Variants in SETMAR observed in about 807,000 individuals in gnomAD.
SETMAR encodes SET and mariner transposase domain methyltransferase.
SETMAR carries 44 observed loss-of-function variants against 58.4 expected under a neutral mutation model. The ratio of observed to expected loss-of-function variants is 0.75; its 90% CI spans 0.59 to 0.97. The LOEUF is 0.97. SETMAR is among the 50% of genes least tolerant of loss of function. The pLI is 0.00. For missense variants in SETMAR, 903 were observed against 840.2 expected (o/e 1.07, Z -0.92); for synonymous variants, 332 against 307.4 (o/e 1.08, Z -0.84).
intron 2 of SETMAR, among the ~76,000 whole-genome samples, chr3:4,315,673 A>G (rs902488534): frequency 6.6e-6 from 1 of 152,176 alleles, no homozygotes; most frequent in Non-Finnish European, 1.5e-5. Context: ...TTCTTTTGAG[A>G]GAAAACATTT....
Position 4,303,407 on chromosome 3 carries a change from G to A in SETMAR, c.37G>A (p.Gly13Arg). ...AEAAKTTRPC[G>R]MAEFKEKPEA... ...AGCGGCAAAGACGACACGGCCTTGT[G>A]GGATGGCGGAGTTTAAGGAGAAGCC... The change falls in exon 1 of 3, where the codon GGG (glycine) becomes AGG (arginine). Residue 13 changes from glycine (G) to arginine (R), a missense_variant. Coordinates refer to ENST00000358065, the MANE Select transcript of SETMAR (RefSeq NM_006515.4). The A allele has an allele frequency of 6.4e-7, 1 of 1,558,444 alleles. No homozygotes were observed. Among genetic ancestry groups the A allele is most frequent in the East Asian group, 2.6e-5 (1 of 38,200 alleles).
At chr3:4,306,623 A>G (rs940328727) in intron 1 of SETMAR, among the ~76,000 whole-genome samples, 1 of 152,344 alleles carries the variant, frequency 6.6e-6, no homozygotes, top group Non-Finnish European at 1.5e-5. Flanking sequence ...AACATGCTTG[A>G]AACATTTAAG....
chr3:4,316,106 A>G, intron 2 of SETMAR, 106 bp from the exon 3 acceptor site: 1 of 518,548 alleles, frequency 1.9e-6, no homozygotes, highest in Non-Finnish European at 3.5e-6. Context: ...GGTATTTGAT[A>G]TTGGAATACA....
chr3:4,304,302 C>T (rs1390395947), intron 1 of SETMAR, among the ~76,000 whole-genome samples: 3 of 152,198 alleles, frequency 2.0e-5, no homozygotes, highest in Admixed American at 2.0e-4. Context: ...CCACCACGCC[C>T]GGCTAATTTT....
chr3:4,314,221 A>T (rs1000687364), intron 2 of SETMAR: 4 of 164,592 alleles, frequency 2.4e-5, no homozygotes, highest in Non-Finnish European at 3.9e-5. Flanking sequence ...TCGTGATCTG[A>T]CACCTTTGTA....
At chr3:4,311,492 T>C (rs913016222) in intron 1 of SETMAR, among the ~76,000 whole-genome samples, 13 of 152,308 alleles carry the variant, frequency 8.5e-5, no homozygotes, top group Admixed American at 4.6e-4. Context: ...AAACAGCCCA[T>C]GAAACTGCTT....
chr3:4,310,363 T>A (rs1317273204), intron 1 of SETMAR, among the ~76,000 whole-genome samples: 1 of 152,248 alleles, frequency 6.6e-6, no homozygotes, highest in Non-Finnish European at 1.5e-5. Flanking sequence ...AAAAGATTAT[T>A]CTTGAGTGTA....
At chr3:4,309,140 G>T (rs769115508) in intron 1 of SETMAR, among the ~76,000 whole-genome samples, 134 of 152,328 alleles carry the variant, frequency 8.8e-4, no homozygotes, top group Non-Finnish European at 1.5e-3. Flanking sequence ...ATAAAGGGTT[G>T]TGGAGACCAG....
intron 1 of SETMAR, 150 bp downstream of exon 1, chr3:4,303,676 C>T: frequency 3.4e-6 from 5 of 1,490,936 alleles, no homozygotes; most frequent in South Asian, 1.3e-5. Context: ...GTGTGCATGC[C>T]CCGGCCTGGG....
At chr3:4,311,588 A>G (rs1008272623) in intron 1 of SETMAR, among the ~76,000 whole-genome samples, 11 of 152,242 alleles carry the variant, frequency 7.2e-5, no homozygotes, top group Non-Finnish European at 1.0e-4. Context: ...ACTTCTGAAC[A>G]ATGAGATTAT....
chr3:4,312,111 T>A (rs560696467), intron 1 of SETMAR, among the ~76,000 whole-genome samples: 3 of 152,328 alleles, frequency 2.0e-5, no homozygotes, highest in South Asian at 4.1e-4. Flanking sequence ...ATATCTTTAA[T>A]AAATTTAAAT....
chr3:4,303,466 C>A lies in SETMAR; in HGVS notation c.96C>A (p.Cys32Ter). ...EAPTEQLDVA[C>*]GQENLPVGAW... ...CGACTGAGCAGCTGGATGTCGCGTG[C>A]GGCCAGGAAAACTTGCCGGTGGGCG... The change falls in exon 1 of 3, where the codon TGC becomes TGA. Residue 32 changes from cysteine (C) to a stop codon, truncating the protein, a stop_gained. Transcript: ENST00000358065. LOFTEE classifies it high-confidence loss of function. 1 of 1,529,342 alleles carries A rather than the reference C, an allele frequency of 6.5e-7. No individual in the cohort carries two copies. The highest frequency in any genetic ancestry group is 1.3e-5 in the South Asian group (1 of 77,972). 94.7% of individuals were successfully genotyped at this position (1,529,342 alleles called of 1,614,324 possible).
chr3:4,308,205 C>T (rs1032467456), intron 1 of SETMAR, among the ~76,000 whole-genome samples: 21 of 152,142 alleles, frequency 1.4e-4, no homozygotes, highest in Admixed American at 1.2e-3. Flanking sequence ...GTATACAGTC[C>T]GATGGCTTCC....
chr3:4,314,181 G>A, intron 2 of SETMAR: 1 of 201,892 alleles, frequency 5.0e-6, no homozygotes. Context: ...AAGGAGTCTA[G>A]GTGTCTGGTA....
chr3:4,314,993 G>A (rs1337660850), intron 2 of SETMAR, among the ~76,000 whole-genome samples: 5 of 152,104 alleles, frequency 3.3e-5, no homozygotes, highest in East Asian at 3.8e-4. Flanking sequence ...AATATACAGC[G>A]TGTGAATTAT....
intron 1 of SETMAR, among the ~76,000 whole-genome samples, chr3:4,312,460 G>A (rs1245494983): frequency 6.6e-6 from 1 of 151,944 alleles, no homozygotes; most frequent in Non-Finnish European, 1.5e-5. Context: ...ATGTCCTTAT[G>A]TGTACCTATA....
chr3:4,304,430 C>T (rs976859691), intron 1 of SETMAR, among the ~76,000 whole-genome samples: 1 of 152,228 alleles, frequency 6.6e-6, no homozygotes, highest in African/African-American at 2.4e-5. Flanking sequence ...GCATGAGCCA[C>T]GCTCCCAGCC....
intron 1 of SETMAR, among the ~76,000 whole-genome samples, chr3:4,309,969 G>A (rs1418663438): frequency 6.6e-6 from 1 of 152,202 alleles, no homozygotes; most frequent in Non-Finnish European, 1.5e-5. Flanking sequence ...AGATGGTATA[G>A]CCTACTACAC....
chr3:4,313,542 T>C lies in SETMAR; in HGVS notation c.801T>C (p.Leu267=), dbSNP rs2125099848. Residue 267 remains leucine, a synonymous_variant, in exon 2 of 3, where the codon CTT becomes CTC. Coordinates refer to ENST00000358065, the MANE Select transcript of SETMAR (RefSeq NM_006515.4). The part of the protein sequence containing the change: ...ELSYDYSGRY[L]NLTVSEDKER... ...CTTATGATTATTCAGGAAGATATCT[T>C]AATCTAACAGTCAGTGAAGACAAAG... The C allele has an allele frequency of 6.2e-7, 1 of 1,614,036 alleles. No individual in the cohort carries two copies. Among genetic ancestry groups the C allele is most frequent in the Non-Finnish European group, 8.5e-7 (1 of 1,179,962 alleles).
Sources: gnomAD v4.1 joint callset for allele counts (sites outside exome capture counted in the v4.1 genomes callset) on GRCh38, gnomAD v4.1.1 for gene constraint, MANE v1.5 for transcripts, NCBI Gene and HGNC (gene_info 2026-07-23, HGNC 2026-07-21) for gene names.